Variants in XKR9 observed in about 807,000 individuals in gnomAD.
XKR9 encodes XK-related protein 9.
XKR9 carries 32 observed loss-of-function variants against 32.0 expected under a neutral mutation model. The ratio of observed to expected loss-of-function variants is 1.00; its 90% CI spans 0.76 to 1.34. XKR9 has a LOEUF of 1.34. Ranked by LOEUF, XKR9 falls within the 40% of genes most tolerant of loss-of-function variation. The pLI, the probability that XKR9 is intolerant of heterozygous loss-of-function variation, is 0.00. For synonymous variants in XKR9, 168 were observed against 143.4 expected, an observed-to-expected ratio of 1.17 and a Z score of -1.22; for missense variants, 546 against 429.7, an observed-to-expected ratio of 1.27 and a Z score of -2.39.
chr8:70,808,509 C>A, the XKR9 span, among the ~76,000 whole-genome samples: 1 of 151,964 alleles, frequency 6.6e-6, no homozygotes, highest in Admixed American at 6.6e-5. Flanking sequence ...ATTGCCTCAC[C>A]CAGGAAGCAC....
At chr8:71,028,130 T>C in the XKR9 span, among the ~76,000 whole-genome samples, 1 of 152,232 alleles carries the variant, frequency 6.6e-6, no homozygotes, top group East Asian at 1.9e-4. Flanking sequence ...AAGGATTGCA[T>C]TGAAACTGTA....
intron 2 of XKR9, among the ~76,000 whole-genome samples, chr8:70,754,081 A>G (rs1807182159): frequency 6.8e-6 from 1 of 147,266 alleles, no homozygotes; most frequent in Non-Finnish European, 1.5e-5. Context: ...AGGATACAAA[A>G]TCAATGTACA....
downstream of XKR9, among the ~76,000 whole-genome samples, chr8:70,739,599 C>G (rs529535959): frequency 9.2e-5 from 14 of 152,182 alleles, no homozygotes; most frequent in African/African-American, 3.4e-4. Flanking sequence ...TTTGCAGTGG[C>G]TGGTACCGGT....
chr8:71,020,589 C>T, the XKR9 span, among the ~76,000 whole-genome samples: 1 of 152,102 alleles, frequency 6.6e-6, no homozygotes, highest in Non-Finnish European at 1.5e-5. Flanking sequence ...TCTAATTTCT[C>T]TGTGTATAAT....
chr8:70,972,678 G>A, the XKR9 span, among the ~76,000 whole-genome samples: 4 of 152,038 alleles, frequency 2.6e-5, no homozygotes, highest in African/African-American at 9.7e-5. Flanking sequence ...CATAAAGGAT[G>A]GTGGATTTTG....
chr8:70,983,002 A>G, the XKR9 span, among the ~76,000 whole-genome samples: 1 of 152,190 alleles, frequency 6.6e-6, no homozygotes, highest in Non-Finnish European at 1.5e-5. Context: ...TGTGTCATCC[A>G]TTGTTGTTAC....
At chr8:71,057,951 G>A in the XKR9 span, among the ~76,000 whole-genome samples, 1 of 152,150 alleles carries the variant, frequency 6.6e-6, no homozygotes, top group Non-Finnish European at 1.5e-5. Flanking sequence ...TTGGGAGGCC[G>A]AGGTGGATGG....
chr8:70,893,055 TCTGA>T, the XKR9 span, among the ~76,000 whole-genome samples: 2 of 152,158 alleles, frequency 1.3e-5, no homozygotes, highest in African/African-American at 4.8e-5. Flanking sequence ...TTTTTTTCTC[TCTGA>T]CTAATTTCTA....
At chr8:70,736,034 A>G (rs1327427299), downstream of XKR9, 34 of 151,230 alleles carry the variant, frequency 2.2e-4, no homozygotes, top group African/African-American at 5.8e-4. Flanking sequence ...CTGAGGAATC[A>G]CCACACTGAC....
chr8:71,024,628 C>T, the XKR9 span, among the ~76,000 whole-genome samples: 3 of 152,180 alleles, frequency 2.0e-5, no homozygotes, highest in Non-Finnish European at 2.9e-5. Context: ...ATACCTGTCT[C>T]AGAGTTTGCA....
At chr8:70,974,080 T>C in the XKR9 span, among the ~76,000 whole-genome samples, 1 of 152,296 alleles carries the variant, frequency 6.6e-6, no homozygotes, top group East Asian at 1.9e-4. Flanking sequence ...CCCACTATTA[T>C]TGTGTTGCCA....
chr8:70,861,107 G>A, the XKR9 span, among the ~76,000 whole-genome samples: 4 of 152,084 alleles, frequency 2.6e-5, no homozygotes, highest in African/African-American at 9.7e-5. Context: ...TCTGTTAGTA[G>A]TGTCTGTAAA....
intron 3 of XKR9, among the ~76,000 whole-genome samples, chr8:70,700,842 T>C (rs1023146018): frequency 6.6e-6 from 1 of 152,176 alleles, no homozygotes; most frequent in African/African-American, 2.4e-5. Flanking sequence ...CTCCACGCAG[T>C]TTGAGCTTCC....
chr8:70,981,534 C>T, the XKR9 span, among the ~76,000 whole-genome samples: 1 of 151,908 alleles, frequency 6.6e-6, no homozygotes, highest in East Asian at 1.9e-4. Context: ...GAAGAAATTT[C>T]CTTTCATATT....
At chr8:71,044,898 C>T in the XKR9 span, among the ~76,000 whole-genome samples, 1 of 152,120 alleles carries the variant, frequency 6.6e-6, no homozygotes, top group South Asian at 2.1e-4. Context: ...AAAGCTCTGT[C>T]CATGAGGAAA....
intron 2 of XKR9, among the ~76,000 whole-genome samples, chr8:70,787,048 A>C: frequency 6.6e-6 from 1 of 152,050 alleles, no homozygotes; most frequent in East Asian, 1.9e-4. Context: ...TTAGGCAATC[A>C]TGCAAAGTCT....
At chr8:70,696,767 C>G (rs1366264752) in intron 3 of XKR9, among the ~76,000 whole-genome samples, 2 of 151,210 alleles carry the variant, frequency 1.3e-5, no homozygotes, top group Admixed American at 1.3e-4. Context: ...TATAAATTAC[C>G]TTGGGCAGTA....
chr8:70,763,978 A>G (rs1013858659), intron 2 of XKR9, among the ~76,000 whole-genome samples: 4 of 152,214 alleles, frequency 2.6e-5, no homozygotes, highest in Non-Finnish European at 5.9e-5. Flanking sequence ...CCTGTGTGAC[A>G]TGGATTTACC....
the XKR9 span, among the ~76,000 whole-genome samples, chr8:71,010,240 C>A: frequency 6.6e-6 from 1 of 152,190 alleles, no homozygotes; most frequent in African/African-American, 2.4e-5. Context: ...GATACCTAGC[C>A]TTTCCCCTGA....
Sources: allele counts gnomAD v4.1 joint callset (sites outside exome capture counted in the v4.1 genomes callset), GRCh38; gene constraint gnomAD v4.1.1; transcripts MANE v1.5; gene names NCBI Gene and HGNC (gene_info 2026-07-23, HGNC 2026-07-21).